PRKDC: variants seen among roughly 807,000 people sequenced by gnomAD.
PRKDC encodes DNA-dependent protein kinase catalytic subunit.
A neutral mutation model predicts 486.9 loss-of-function variants in PRKDC; 82 were observed. That is an observed-to-expected ratio of 0.17 (90% confidence interval 0.14 to 0.20). The LOEUF is 0.20. Ranked by LOEUF, PRKDC falls within the 10% of genes least tolerant of loss-of-function variation. PRKDC has a pLI of 1.00. For missense variants in PRKDC, 4,504 were observed against 5,038.2 expected (o/e 0.89, Z 3.21); for synonymous variants, 1,895 against 1,837.0 (o/e 1.03, Z -0.81).
intron 54 of PRKDC, among the ~76,000 whole-genome samples, chr8:47,844,858 T>A (rs2154500034): frequency 6.6e-6 from 1 of 152,154 alleles, no homozygotes; most frequent in Non-Finnish European, 1.5e-5. Flanking sequence ...GGACACTAAA[T>A]GCCTACATCA....
At position 47,798,353 on chromosome 8, in the gene PRKDC, C is replaced by T; in HGVS notation, c.10342G>A (p.Glu3448Lys). 6.2e-7 allele frequency: 1 copy of T among 1,611,684 alleles called. No homozygotes were observed. Among genetic ancestry groups the T allele is most frequent in the South Asian group, 1.1e-5 (1 of 90,448 alleles). Residue 3448 changes from glutamate to lysine, a missense_variant, in exon 73 of 86, where the codon GAG becomes AAG. By Grantham distance (56) the Glu-to-Lys change is moderately conservative (BLOSUM62 1). This residue lies in a region of PRKDC where 706 missense variants were observed against 945.0 expected (regional missense o/e 0.75). Coordinates refer to ENST00000314191, the MANE Select transcript of PRKDC (RefSeq NM_006904.7). The stretch of plus-strand genomic sequence containing the variant: ...AATTTTAAAGCTTTCAACATTTTCT[C>T]CACCACAAGTGCTGGATACGCCTGC... The part of the protein sequence containing the change: ...ELQAYPALVV[E>K]KMLKALKLNS...
Position 47,830,749 on chromosome 8 carries a change from G to A in PRKDC, c.8266-13C>T. 2 of 1,613,758 alleles carry A rather than the reference G, an allele frequency of 1.2e-6. No homozygotes were observed. Among genetic ancestry groups the A allele is most frequent in the Non-Finnish European group, 8.5e-7 (1 of 1,179,796 alleles). ...CACTCTTGATTTCCTATAAGCACCAGAACCAAAGAAGAAGATGAGCATTCT... is the reference window on the plus strand; with the variant it reads ...CACTCTTGATTTCCTATAAGCACCAAAACCAAAGAAGAAGATGAGCATTCT... On this transcript the variant is annotated splice_polypyrimidine_tract_variant and intron_variant, in intron 60 of 85. Coordinates refer to ENST00000314191, the MANE Select transcript of PRKDC (RefSeq NM_006904.7).
chr8:47,838,295 A>G (rs991447860), intron 56 of PRKDC, among the ~76,000 whole-genome samples: 1 of 152,232 alleles, frequency 6.6e-6, no homozygotes, highest in Non-Finnish European at 1.5e-5. Context: ...AATAAGTAAT[A>G]TACAGAAACA....
intron 74 of PRKDC, among the ~76,000 whole-genome samples, chr8:47,792,733 A>T (rs548619173): frequency 6.6e-6 from 1 of 152,338 alleles, no homozygotes; most frequent in African/African-American, 2.4e-5. Context: ...ATAAACATAG[A>T]CACCTACTAT....
chr8:47,867,108 T>C (rs918075281), intron 40 of PRKDC, among the ~76,000 whole-genome samples: 5 of 152,136 alleles, frequency 3.3e-5, no homozygotes, highest in African/African-American at 1.2e-4. Context: ...TACTTTAAAA[T>C]ACTATGATAT....
intron 30 of PRKDC, among the ~76,000 whole-genome samples, chr8:47,896,563 C>T (rs746201489): frequency 2.7e-5 from 4 of 150,864 alleles, no homozygotes; most frequent in Admixed American, 6.6e-5. Context: ...AAGAGAACGG[C>T]GTGAACCCAG....
At chr8:47,827,862 A>C (rs2087771107) in intron 62 of PRKDC, among the ~76,000 whole-genome samples, 1 of 152,250 alleles carries the variant, frequency 6.6e-6, no homozygotes, top group African/African-American at 2.4e-5. Flanking sequence ...ATTTGGTGAA[A>C]TACTACATAA....
chr8:47,836,650 T>C, intron 57 of PRKDC, 123 bp from the exon 58 acceptor site: 2 of 890,782 alleles, frequency 2.2e-6, no homozygotes, highest in East Asian at 5.5e-5. Context: ...TACCATAACT[T>C]CATATGCAGC....
At chr8:47,834,933 G>A (rs1357968788) in intron 58 of PRKDC, among the ~76,000 whole-genome samples, 2 of 151,826 alleles carry the variant, frequency 1.3e-5, no homozygotes, top group Non-Finnish European at 2.9e-5. Flanking sequence ...CTCGTGATCC[G>A]CCCGCCTCGG....
At chr8:47,776,495 C>T (rs7837384) in intron 85 of PRKDC, among the ~76,000 whole-genome samples, 1,540 of 152,302 alleles carry the variant, frequency 0.01, 28 homozygotes, top group African/African-American at 0.034. Flanking sequence ...CAGGGTCAAA[C>T]GCCCTAAAAA....
chr8:47,870,804 T>G (rs1394346135), intron 40 of PRKDC, among the ~76,000 whole-genome samples: 6 of 152,098 alleles, frequency 3.9e-5, no homozygotes, highest in Non-Finnish European at 8.8e-5. Flanking sequence ...AAAATAGCTG[T>G]TTTGAGGAAG....
intron 1 of PRKDC, 41 bp downstream of exon 1, chr8:47,959,932 A>C: frequency 6.5e-7 from 1 of 1,527,266 alleles, no homozygotes; most frequent in Non-Finnish European, 8.8e-7. Context: ...CGACTCGGGA[A>C]GCCAGGACCC....
At chr8:47,946,981 G>A (rs921894065) in intron 7 of PRKDC, among the ~76,000 whole-genome samples, 2 of 152,042 alleles carry the variant, frequency 1.3e-5, no homozygotes, top group Non-Finnish European at 2.9e-5. Flanking sequence ...AAAAGCTCTG[G>A]CTCCCATTCC....
At position 47,886,050 on chromosome 8, in the gene PRKDC, T is replaced by TCCC; in HGVS notation, c.4667_4669dup (p.Gly1556dup). The TCCC allele has an allele frequency of 6.2e-7, 1 of 1,613,760 alleles. No individual in the cohort carries two copies. The highest frequency in any genetic ancestry group is 2.2e-5 in the East Asian group (1 of 44,882). ...TTCTGAGAACAAGCTATAGAAATAC[T>TCCC]CCCCATGGGAGAAGTGGATGACGCT... On this transcript the variant is annotated inframe_insertion, in exon 36 of 86. Coordinates refer to ENST00000314191, the MANE Select transcript of PRKDC (RefSeq NM_006904.7).
chr8:47,808,013 C>G (rs957744079), intron 68 of PRKDC, among the ~76,000 whole-genome samples: 3 of 152,148 alleles, frequency 2.0e-5, no homozygotes, highest in Non-Finnish European at 4.4e-5. Context: ...AGTGAGCTAT[C>G]ATGTCTGGCC....
chr8:47,830,592 G>C lies in PRKDC; in HGVS notation c.8397+13C>G. Reference sequence around the variant, plus strand: ...TTAACCTGTCAACAGAAAACGCAGCGGCAAAAACTGACCTGGGCCACGGCC... The same window carrying C: ...TTAACCTGTCAACAGAAAACGCAGCCGCAAAAACTGACCTGGGCCACGGCC... On this transcript the variant is annotated intron_variant, in intron 61 of 85. Coordinates refer to ENST00000314191, the MANE Select transcript of PRKDC (RefSeq NM_006904.7). 6.2e-7 allele frequency: 1 copy of C among 1,611,954 alleles called. No individual in the cohort carries two copies. The highest frequency in any genetic ancestry group is 1.3e-5 in the African/African-American group (1 of 74,978).
At chr8:47,928,999 A>G in intron 19 of PRKDC, 93 bp downstream of exon 19, 1 of 1,085,832 alleles carries the variant, frequency 9.2e-7, no homozygotes, top group Non-Finnish European at 1.3e-6. Context: ...CCCAATTCTT[A>G]AAATAATTAT....
chr8:47,920,401 C>T (rs1183497067), intron 21 of PRKDC, among the ~76,000 whole-genome samples: 2 of 152,152 alleles, frequency 1.3e-5, no homozygotes, highest in African/African-American at 2.4e-5. Context: ...TAACAAAGGC[C>T]TATATCTAAT....
intron 21 of PRKDC, among the ~76,000 whole-genome samples, chr8:47,922,864 G>A (rs1305569128): frequency 6.6e-6 from 1 of 152,136 alleles, no homozygotes; most frequent in African/African-American, 2.4e-5. Context: ...AGACACCCTG[G>A]GAACTGGTGT....
Sources: allele counts gnomAD v4.1 joint callset (sites outside exome capture counted in the v4.1 genomes callset), GRCh38; gene constraint gnomAD v4.1.1; regional missense constraint gnomAD v4.1.1; transcripts MANE v1.5; gene names NCBI Gene and HGNC (gene_info 2026-07-23, HGNC 2026-07-21).